The following ZNF254 variants were observed in gnomAD, a reference collection of about 807,000 sequenced individuals.
ZNF254 encodes CTD-2017D11.1.
A neutral mutation model predicts 12.4 loss-of-function variants in ZNF254; 10 were observed. That is an observed-to-expected ratio of 0.80 (90% confidence interval 0.50 to 1.36). The LOEUF (loss-of-function observed/expected upper bound fraction) is 1.36, where lower values mean the gene tolerates loss of function less well. Ranked by LOEUF, ZNF254 falls within the 40% of genes most tolerant of loss-of-function variation. ZNF254 has a pLI of 0.00. For synonymous variants in ZNF254, 305 were observed against 253.4 expected (o/e 1.20, Z -1.93); for missense variants, 996 against 763.9 (o/e 1.30, Z -3.58).
intron 3 of ZNF254, among the ~76,000 whole-genome samples, chr19:24,125,321 C>A (rs1397431996): frequency 7.2e-6 from 1 of 138,150 alleles, no homozygotes; most frequent in Non-Finnish European, 1.6e-5. Context: ...TTATTCTTGT[C>A]CTCATTTTTC....
chr19:24,076,148 A>G (rs1040757389), intron 2 of ZNF254, among the ~76,000 whole-genome samples: 3 of 152,218 alleles, frequency 2.0e-5, no homozygotes, highest in Non-Finnish European at 4.4e-5. Context: ...GTTTATGAAG[A>G]TGACAGGATT....
At chr19:24,114,902 C>T (rs1325088257) in intron 3 of ZNF254, among the ~76,000 whole-genome samples, 2 of 152,254 alleles carry the variant, frequency 1.3e-5, no homozygotes, top group African/African-American at 4.8e-5. Context: ...GACATTTATG[C>T]AGCCAAAAAA....
intron 3 of ZNF254, among the ~76,000 whole-genome samples, chr19:24,115,224 A>T (rs1403615143): frequency 6.6e-6 from 1 of 151,956 alleles, no homozygotes; most frequent in African/African-American, 2.4e-5. Flanking sequence ...ACACATGCAC[A>T]AGTATGTTTA....
intron 2 of ZNF254, chr19:24,065,351 G>T (rs1254651545): frequency 6.6e-6 from 1 of 152,202 alleles, no homozygotes; most frequent in Non-Finnish European, 1.5e-5. Flanking sequence ...CTCTGGTTGA[G>T]AACTCTGTGA....
intron 2 of ZNF254, among the ~76,000 whole-genome samples, chr19:24,060,775 A>C (rs1971036482): frequency 6.6e-6 from 1 of 152,114 alleles, no homozygotes; most frequent in Non-Finnish European, 1.5e-5. Context: ...AGATTGTGAC[A>C]CATCACTTGG....
intron 3 of ZNF254, among the ~76,000 whole-genome samples, chr19:24,109,543 C>T (rs901354635): frequency 3.3e-5 from 5 of 152,026 alleles, no homozygotes; most frequent in African/African-American, 1.2e-4. Context: ...TGTTTGTATA[C>T]TTTAAGTCAG....
Position 24,115,994 on chromosome 19 carries a change from T to A in ZNF254, c.253+9351T>A, listed in dbSNP as rs374598264. The stretch of plus-strand genomic sequence containing the variant: ...GGATATGAAATTCTGTGTTGAAAAT[T>A]CTTTTCTTTAAGAATGTTGAATATT... On this transcript the variant is annotated intron_variant, in intron 3 of 3. Transcript: ENST00000357002. Among the ~76,000 whole-genome samples the A allele has an allele frequency of 5.3e-4, 81 of 152,310 alleles. 1 individual carries two copies. The South Asian group carries it at 0.016, about 30-fold the overall frequency.
At chr19:24,102,678 T>G (rs1195756583) in intron 1 of ZNF254, among the ~76,000 whole-genome samples, 3 of 152,172 alleles carry the variant, frequency 2.0e-5, no homozygotes, top group African/African-American at 7.2e-5. Context: ...ATAACATGTA[T>G]TATAGGGTCT....
chr19:24,109,806 C>A (rs1463886572), intron 3 of ZNF254, among the ~76,000 whole-genome samples: 1 of 150,422 alleles, frequency 6.6e-6, no homozygotes, highest in Non-Finnish European at 1.5e-5. Context: ...GCAACTTCCT[C>A]CACCTCTCGG....
chr19:24,085,427 A>ATATATATATATATATATGT (rs1369362234), upstream of ZNF254, among the ~76,000 whole-genome samples: 177 of 42,446 alleles, frequency 4.2e-3, 8 homozygotes, highest in Middle Eastern at 0.059. Flanking sequence ...TATATATATA[A>ATATATATATATATATATGT]AAACTAAGAT....
chr19:24,097,603 G>C (rs558471567), intron 1 of ZNF254, among the ~76,000 whole-genome samples: 3 of 151,952 alleles, frequency 2.0e-5, no homozygotes, highest in Non-Finnish European at 2.9e-5. Flanking sequence ...CCAACATGGA[G>C]AAACCCCATC....
intron 1 of ZNF254, among the ~76,000 whole-genome samples, chr19:24,036,654 T>C (rs1969978448): frequency 6.6e-6 from 1 of 152,134 alleles, no homozygotes; most frequent in African/African-American, 2.4e-5. Context: ...ATCACAGATA[T>C]TTGAGCTGGA....
upstream of ZNF254, among the ~76,000 whole-genome samples, chr19:24,085,201 G>A (rs939389409): frequency 6.6e-6 from 1 of 151,154 alleles, no homozygotes; most frequent in South Asian, 2.1e-4. Flanking sequence ...CAAAGTGCTG[G>A]GACTACAGGC....
Position 24,126,570 on chromosome 19 carries a change from A to C in ZNF254, c.570A>C (p.Leu190Phe). ...KSFKCKKRVK[L>F]FCMLSHKTQH... ...TCAAATGTAAAAAACGTGTCAAATT[A>C]TTTTGCATGCTTTCACATAAAACCC... The change falls in exon 4 of 4, where the codon TTA (leucine) becomes TTC (phenylalanine). Residue 190 changes from leucine to phenylalanine, a missense_variant. Coordinates refer to ENST00000357002, the MANE Select transcript of ZNF254 (RefSeq NM_203282.4). 2 of 1,605,386 alleles carry C rather than the reference A, an allele frequency of 1.2e-6. No homozygotes were observed. The highest frequency in any genetic ancestry group is 1.7e-6 in the Non-Finnish European group (2 of 1,177,646).
chr19:24,110,900 T>G (rs1194654346), intron 3 of ZNF254, among the ~76,000 whole-genome samples: 1 of 152,084 alleles, frequency 6.6e-6, no homozygotes, highest in African/African-American at 2.4e-5. Context: ...TCCATTTCAG[T>G]AAAACAATAG....
At chr19:24,073,664 A>G (rs1213494416) in intron 2 of ZNF254, among the ~76,000 whole-genome samples, 2 of 152,146 alleles carry the variant, frequency 1.3e-5, no homozygotes, top group East Asian at 3.9e-4. Context: ...GATTTGGGCT[A>G]TATGTGGGTT....
intron 3 of ZNF254, among the ~76,000 whole-genome samples, chr19:24,116,883 C>G (rs1283037397): frequency 6.6e-6 from 1 of 152,096 alleles, no homozygotes; most frequent in African/African-American, 2.4e-5. Context: ...GTGTGGATGT[C>G]CTTTCTGTTT....
At chr19:24,118,160 TCTC>T (rs1974235103) in intron 3 of ZNF254, among the ~76,000 whole-genome samples, 1 of 151,796 alleles carries the variant, frequency 6.6e-6, no homozygotes, top group Non-Finnish European at 1.5e-5. Context: ...TTCAAGCGAT[TCTC>T]CTGTCTCAGC....
Position 24,087,188 on chromosome 19 carries a change from C to A in ZNF254, c.-120C>A. The A allele has an allele frequency of 7.6e-7, 1 of 1,309,046 alleles. No homozygotes were observed. The highest frequency in any genetic ancestry group is 1.3e-5 in the South Asian group (1 of 79,018). 81.1% of individuals were successfully genotyped at this position (1,309,046 alleles called of 1,614,324 possible). A position where few individuals can be genotyped will look rare whatever the true frequency, so the allele number is the denominator to read the frequency against. On this transcript the variant is annotated 5_prime_UTR_variant, in exon 1 of 4. Coordinates refer to ENST00000357002, the MANE Select transcript of ZNF254 (RefSeq NM_203282.4). ...AAGCGGCTTCCGGGATATGGCGGGGCCTTTGTCTCTCGCTGTCGCCGGAGT... is the reference window on the plus strand; with the variant it reads ...AAGCGGCTTCCGGGATATGGCGGGGACTTTGTCTCTCGCTGTCGCCGGAGT...
Sources: gnomAD v4.1 joint callset for allele counts (sites outside exome capture counted in the v4.1 genomes callset) on GRCh38, gnomAD v4.1.1 for gene constraint, MANE v1.5 for transcripts, NCBI Gene and HGNC (gene_info 2026-07-23, HGNC 2026-07-21) for gene names.